Variants in OTC observed in about 807,000 individuals in gnomAD.
OTC encodes the protein ornithine transcarbamylase, mitochondrial.
In OTC, 3 loss-of-function variants were observed where a neutral mutation model predicts 30.3. The observed-to-expected ratio is 0.10, with a 90% CI of 0.05 to 0.26. The LOEUF (loss-of-function observed/expected upper bound fraction) is 0.26, where lower values mean the gene tolerates loss of function less well. Ranked by LOEUF, OTC falls within the 10% of genes least tolerant of loss-of-function variation. The pLI, the probability that OTC is intolerant of heterozygous loss-of-function variation, is 1.00. For synonymous variants in OTC, 111 were observed against 99.7 expected, an observed-to-expected ratio of 1.11 and a Z score of -0.67; for missense variants, 194 against 260.3, an observed-to-expected ratio of 0.75 and a Z score of 1.75.
chrX:38,380,564 C>G (rs1168028273), intron 3 of OTC, among the ~76,000 whole-genome samples: 1 of 110,452 alleles, frequency 9.1e-6, no homozygotes, highest in African/African-American at 3.3e-5. Context: ...GCCTGGGTGA[C>G]AGGGAAGACT....
chrX:38,352,271 T>C (rs1313620500), upstream of OTC, among the ~76,000 whole-genome samples: 1 of 111,974 alleles, frequency 8.9e-6, no homozygotes, highest in East Asian at 2.8e-4. Flanking sequence ...CACATCTACA[T>C]CTGTGTTTTT....
chrX:38,333,566 G>A, the OTC span, among the ~76,000 whole-genome samples: 629 of 112,035 alleles, frequency 5.6e-3, 14 homozygotes, highest in Admixed American at 0.057. Context: ...GCCATGACAC[G>A]TCTGACAACG....
the OTC span, among the ~76,000 whole-genome samples, chrX:38,332,523 T>TATATATATATATAC: frequency 2.3e-5 from 2 of 86,405 alleles, no homozygotes; most frequent in African/African-American, 8.8e-5. Context: ...TATATATATA[T>TATATATATATATAC]ATATATATAT....
chrX:38,338,897 A>G, the OTC span, among the ~76,000 whole-genome samples: 1 of 111,712 alleles, frequency 9.0e-6, no homozygotes, highest in African/African-American at 3.3e-5. Flanking sequence ...GGTAAATCTC[A>G]TCTCACTGCC....
intron 4 of OTC, among the ~76,000 whole-genome samples, chrX:38,391,448 T>C (rs546141293): frequency 5.4e-5 from 6 of 111,499 alleles, no homozygotes; most frequent in African/African-American, 2.0e-4. Flanking sequence ...TTGTCTGATA[T>C]CTATGTAGTC....
chrX:38,390,251 A>G (rs1004752805), intron 4 of OTC, among the ~76,000 whole-genome samples: 5 of 112,132 alleles, frequency 4.5e-5, no homozygotes, highest in South Asian at 3.7e-4. Flanking sequence ...AGTATTATCT[A>G]TCTTATTTCC....
chrX:38,371,730 G>A (rs904176033), intron 3 of OTC, among the ~76,000 whole-genome samples: 5 of 111,746 alleles, frequency 4.5e-5, no homozygotes, highest in Non-Finnish European at 9.4e-5. Flanking sequence ...GAAGGAGGAC[G>A]AGGGAAATAT....
At chrX:38,398,247 C>T (rs983569525) in intron 4 of OTC, among the ~76,000 whole-genome samples, 12 of 111,959 alleles carry the variant, frequency 1.1e-4, no homozygotes, top group Non-Finnish European at 1.9e-4. Context: ...ATCTTCCTCA[C>T]TCCTTCCTAA....
chrX:38,382,022 A>G (rs2068379284), intron 4 of OTC, among the ~76,000 whole-genome samples: 2 of 112,042 alleles, frequency 1.8e-5, no homozygotes, highest in Admixed American at 1.9e-4. Context: ...ATTCAGGGAC[A>G]CTGGCTGAGA....
upstream of OTC, among the ~76,000 whole-genome samples, chrX:38,349,297 A>G (rs1602007060): frequency 8.9e-6 from 1 of 112,084 alleles, no homozygotes; most frequent in East Asian, 2.8e-4. Flanking sequence ...CCTTTTGGGG[A>G]GCATGTAGAA....
the OTC span, among the ~76,000 whole-genome samples, chrX:38,328,054 G>GT: frequency 8.9e-6 from 1 of 112,567 alleles, no homozygotes; most frequent in African/African-American, 3.2e-5. Context: ...GTCAACAAAA[G>GT]TAAAAGCTGA....
rs73196229 is a variant in OTC at position 38,381,334 on chromosome X, T to A, written c.299-8T>A. ...CAAAATGATTTTTTTCTTTTTTTTT[T>A]ATTGTAGGCTTTGCACTTCTGGGAG... is the stretch of plus-strand genomic sequence containing the variant. On this transcript the variant is annotated splice_polypyrimidine_tract_variant and splice_region_variant and intron_variant, in intron 3 of 9. Coordinates refer to ENST00000039007, the MANE Select transcript of OTC (RefSeq NM_000531.6). 213,325 of 1,121,538 alleles carry A rather than the reference T, an allele frequency of 0.19. 16,616 individuals carry two copies. The highest frequency in any genetic ancestry group is 0.25 in the Middle Eastern group (1,023 of 4,096). The allele number at this position is 1,121,538 out of a possible 1,213,427, so 92.4% of individuals were successfully genotyped here.
rs150965898 is a variant in OTC at position 38,374,869 on chromosome X, T to A, written c.298+4992T>A. On this transcript the variant is annotated intron_variant, in intron 3 of 9. Coordinates refer to ENST00000039007, the MANE Select transcript of OTC (RefSeq NM_000531.6). The stretch of plus-strand genomic sequence containing the variant: ...GGTATTTATGTGTATTTAGGTGACG[T>A]TGCATGTTTATAAAGAAATTAAGTA... Among the ~76,000 whole-genome samples the A allele has an allele frequency of 3.7e-3, 410 of 112,229 alleles. 3 individuals are homozygous for A. Among genetic ancestry groups the A allele is most frequent in the African/African-American group, 0.013 (389 of 30,938 alleles).
chrX:38,401,077 A>C (rs1366358719), intron 4 of OTC, among the ~76,000 whole-genome samples, 198 bp from the exon 5 acceptor site: 2 of 112,160 alleles, frequency 1.8e-5, no homozygotes, highest in Non-Finnish European at 3.8e-5. Context: ...TCACTGGATA[A>C]GTCGTGGGAG....
rs181060188 is a variant in OTC at position 38,411,394 on chromosome X, C to T, written c.868-468C>T. ...AAAAAAAAAAAAGACTTGCCAGACA[C>T]GGTGGCTCATGCCTGTAATCCCAGC... On this transcript the variant is annotated intron_variant, in intron 8 of 9. Transcript: ENST00000039007. Among the ~76,000 whole-genome samples, 38 of 108,746 alleles carry T rather than the reference C, an allele frequency of 3.5e-4. 1 individual carries two copies. The highest frequency in any genetic ancestry group is 4.7e-3 in the Middle Eastern group (1 of 213). 94.4% of individuals were successfully genotyped at this position (108,746 alleles called of 115,157 possible).
At chrX:38,377,557 A>T (rs1602018905) in intron 3 of OTC, among the ~76,000 whole-genome samples, 1 of 112,267 alleles carries the variant, frequency 8.9e-6, no homozygotes, top group Non-Finnish European at 1.9e-5. Flanking sequence ...AAAACATAGG[A>T]AGAAGCCAAC....
chrX:38,332,532 A>C, the OTC span, among the ~76,000 whole-genome samples: 5 of 90,337 alleles, frequency 5.5e-5, no homozygotes, highest in African/African-American at 1.6e-4. Flanking sequence ...ATATATATAT[A>C]TCATATAACA....
chrX:38,370,827 G>T (rs1421440849), intron 3 of OTC, among the ~76,000 whole-genome samples: 1 of 110,966 alleles, frequency 9.0e-6, no homozygotes, highest in African/African-American at 3.3e-5. Flanking sequence ...TTGTGACAAG[G>T]ACCCCATTAC....
At chrX:38,419,693 A>G (rs1422686496) in intron 9 of OTC, among the ~76,000 whole-genome samples, 1 of 111,837 alleles carries the variant, frequency 8.9e-6, no homozygotes, top group African/African-American at 3.3e-5. Context: ...CTGCAATTTT[A>G]CTGAATTCCC....
Sources: gnomAD v4.1 joint callset for allele counts (sites outside exome capture counted in the v4.1 genomes callset) on GRCh38, gnomAD v4.1.1 for gene constraint, MANE v1.5 for transcripts, NCBI Gene and HGNC (gene_info 2026-07-23, HGNC 2026-07-21) for gene names.